The following XNDC1N variants were observed in gnomAD, a reference collection of about 807,000 sequenced individuals.
XNDC1N encodes the protein XRCC1 N-terminal domain containing 1, N-terminal like, also known as protein XNDC1N.
chr11:71,876,111 A>G, the XNDC1N span, among the ~76,000 whole-genome samples: 1 of 152,226 alleles, frequency 6.6e-6, no homozygotes, highest in African/African-American at 2.4e-5. Flanking sequence ...CAAAGCTGTC[A>G]GTACTGCTGA....
the XNDC1N span, among the ~76,000 whole-genome samples, chr11:71,907,270 G>A: frequency 6.6e-6 from 1 of 152,030 alleles, no homozygotes; most frequent in Admixed American, 6.5e-5. Flanking sequence ...TAGCAGTAGA[G>A]AAAACATAAT....
chr11:71,912,764 T>G, the XNDC1N span, among the ~76,000 whole-genome samples: 1 of 152,160 alleles, frequency 6.6e-6, no homozygotes, highest in Non-Finnish European at 1.5e-5. Context: ...GTACAGACCC[T>G]GCGACCTTTG....
chr11:71,882,107 G>A, the XNDC1N span, among the ~76,000 whole-genome samples: 1 of 151,610 alleles, frequency 6.6e-6, no homozygotes, highest in African/African-American at 2.4e-5. Context: ...AAAGAAGCCA[G>A]GAGGGGAAAA....
At chr11:71,920,618 G>A in the XNDC1N span, among the ~76,000 whole-genome samples, 25 of 152,256 alleles carry the variant, frequency 1.6e-4, no homozygotes, top group African/African-American at 5.5e-4. Flanking sequence ...ATGTTTTCAA[G>A]GACATTTATT....
At chr11:71,921,267 C>T in the XNDC1N span, among the ~76,000 whole-genome samples, 1 of 152,140 alleles carries the variant, frequency 6.6e-6, no homozygotes, top group African/African-American at 2.4e-5. Context: ...ATCCTCCCAC[C>T]TCAGTCTCCT....
At chr11:71,909,093 G>GA in the XNDC1N span, among the ~76,000 whole-genome samples, 1 of 151,650 alleles carries the variant, frequency 6.6e-6, no homozygotes, top group African/African-American at 2.4e-5. Flanking sequence ...CGATAGCCCT[G>GA]AAAATCAGCA....
chr11:71,869,100 G>A, the XNDC1N span, among the ~76,000 whole-genome samples: 1 of 151,936 alleles, frequency 6.6e-6, no homozygotes, highest in African/African-American at 2.4e-5. Context: ...TGTGCACAAT[G>A]CGCAGGTTTG....
chr11:71,928,151 G>C, the XNDC1N span: 1 of 384,084 alleles, frequency 2.6e-6, no homozygotes, highest in Non-Finnish European at 4.8e-6. Context: ...AGTGTGCCGA[G>C]GTGTGTGAAC....
the XNDC1N span, among the ~76,000 whole-genome samples, chr11:71,889,192 AC>A: frequency 6.6e-6 from 1 of 152,190 alleles, no homozygotes; most frequent in African/African-American, 2.4e-5. Context: ...TGTCTTTTCA[AC>A]CCTTCAAGTT....
the XNDC1N span, among the ~76,000 whole-genome samples, chr11:71,873,828 G>A: frequency 2.0e-5 from 3 of 152,136 alleles, no homozygotes; most frequent in South Asian, 2.1e-4. Context: ...TTTAAAAAAC[G>A]TAATTAGATT....
chr11:71,906,058 T>C, the XNDC1N span, among the ~76,000 whole-genome samples: 1 of 151,552 alleles, frequency 6.6e-6, no homozygotes, highest in South Asian at 2.1e-4. Context: ...TATCACAAGG[T>C]GTACACGCAT....
At chr11:71,890,583 G>A in the XNDC1N span, among the ~76,000 whole-genome samples, 18 of 152,044 alleles carry the variant, frequency 1.2e-4, no homozygotes, top group South Asian at 2.5e-3. Context: ...TTGGATATTC[G>A]GTGCCATATT....
the XNDC1N span, among the ~76,000 whole-genome samples, chr11:71,873,080 A>G: frequency 2.0e-5 from 3 of 152,138 alleles, no homozygotes; most frequent in Admixed American, 2.0e-4. Flanking sequence ...AAATAACTCT[A>G]CAATGTTTCT....
the XNDC1N span, among the ~76,000 whole-genome samples, chr11:71,877,655 A>G: frequency 6.6e-6 from 1 of 152,172 alleles, no homozygotes; most frequent in South Asian, 2.1e-4. Context: ...AAAATAAATA[A>G]ATAAATAAAG....
At chr11:71,900,878 C>A in the XNDC1N span, among the ~76,000 whole-genome samples, 1 of 152,284 alleles carries the variant, frequency 6.6e-6, no homozygotes, top group South Asian at 2.1e-4. Flanking sequence ...ATCATGAGGT[C>A]AAAAAGGGTG....
chr11:71,903,583 T>C, the XNDC1N span: 2 of 660,006 alleles, frequency 3.0e-6, no homozygotes, highest in African/African-American at 1.8e-5. Context: ...TCACCCTCCA[T>C]ATCGTTCAGC....
chr11:71,869,974 G>T, the XNDC1N span, among the ~76,000 whole-genome samples: 2 of 152,180 alleles, frequency 1.3e-5, no homozygotes, highest in East Asian at 3.9e-4. Flanking sequence ...GGTTTAATTT[G>T]CTCACAATTC....
chr11:71,893,565 G>C, the XNDC1N span: 1 of 958,298 alleles, frequency 1.0e-6, no homozygotes, highest in South Asian at 1.3e-5. Context: ...CCCTGTCCCT[G>C]TCCATGCATC....
chr11:71,901,139 G>T, the XNDC1N span, among the ~76,000 whole-genome samples: 3 of 152,142 alleles, frequency 2.0e-5, no homozygotes, highest in Admixed American at 1.3e-4. Flanking sequence ...GATCATTCGG[G>T]GCGCATCTCT....
Sources: allele counts gnomAD v4.1 joint callset (sites outside exome capture counted in the v4.1 genomes callset), GRCh38; gene constraint gnomAD v4.1.1; transcripts MANE v1.5; gene names NCBI Gene and HGNC (gene_info 2026-07-23, HGNC 2026-07-21).